The following CCSER1 variants were observed in gnomAD, a reference collection of about 807,000 sequenced individuals.
CCSER1 encodes serine-rich coiled-coil domain-containing protein 1.
In CCSER1, 41 loss-of-function variants were observed where a neutral mutation model predicts 82.0. That is an observed-to-expected ratio of 0.50 (90% CI 0.39 to 0.65). CCSER1 has a LOEUF of 0.65. Ranked by LOEUF, CCSER1 falls within the 30% of genes least tolerant of loss-of-function variation. The pLI is 0.00. For missense variants in CCSER1, 1,119 were observed against 1,064.2 expected, an observed-to-expected ratio of 1.05 and a Z score of -0.72; for synonymous variants, 414 against 383.9, an observed-to-expected ratio of 1.08 and a Z score of -0.92.
Position 91,499,645 on chromosome 4 carries a change from CT to C in CCSER1, c.2218-98926del, listed in dbSNP as rs1256150770. ...CTGCCTATTCATCTCTCCTTTCCCCCTAATCTTTGACAGCCACTGATCCTTT... is the reference window on the plus strand; with the variant it reads ...CTGCCTATTCATCTCTCCTTTCCCCCAATCTTTGACAGCCACTGATCCTTT... On this transcript the variant is annotated intron_variant, in intron 10 of 10. Transcript: ENST00000509176. Among the ~76,000 whole-genome samples the C allele has an allele frequency of 3.9e-5, 6 of 151,944 alleles. No homozygotes were observed. In the South Asian group the frequency reaches 1.0e-3, roughly 26 times the overall value.
Position 90,378,352 on chromosome 4 carries a change from C to T in CCSER1, c.1510-21684C>T, listed in dbSNP as rs186579788. Among the ~76,000 whole-genome samples the T allele has an allele frequency of 2.4e-3, 364 of 152,176 alleles. 6 individuals carry two copies. The highest frequency in any genetic ancestry group is 0.015 in the Admixed American group (235 of 15,264). ...CAAATGTGAGCTAGAAAAGCAGAAC[C>T]GATTGTTTCTATTGCACAGAGAAAG... is the stretch of plus-strand genomic sequence containing the variant. On this transcript the variant is annotated intron_variant, in intron 3 of 10. Transcript: ENST00000509176.
At position 91,078,323 on chromosome 4, in the gene CCSER1, TGGACTTCCA is replaced by T. The variant is rs1329568329; in HGVS notation, c.2173-7625_2173-7617del. ...ATACCCAGGCAAACAGGGTCTGGAG[TGGACTTCCA>T]GCAAACTCCAACAGACCTGCAGCTG... On this transcript the variant is annotated intron_variant, in intron 9 of 10. Transcript: ENST00000509176. Among the ~76,000 whole-genome samples, 13 of 152,214 alleles carry T rather than the reference TGGACTTCCA, an allele frequency of 8.5e-5. No homozygotes were observed. In the East Asian group the frequency reaches 2.5e-3, roughly 29 times the overall value.
chr4:91,586,883 GCATA>G (rs1764022264), intron 10 of CCSER1, among the ~76,000 whole-genome samples: 1 of 151,434 alleles, frequency 6.6e-6, no homozygotes, highest in Non-Finnish European at 1.5e-5. Context: ...GGGTAATATT[GCATA>G]CTTAGTTTAT....
At chr4:90,654,159 C>T (rs1729280268) in intron 6 of CCSER1, among the ~76,000 whole-genome samples, 1 of 152,078 alleles carries the variant, frequency 6.6e-6, no homozygotes, top group African/African-American at 2.4e-5. Context: ...AAATCCAGAC[C>T]ATATCAGATC....
chr4:91,558,492 A>G (rs567230314), intron 10 of CCSER1, among the ~76,000 whole-genome samples: 1 of 151,758 alleles, frequency 6.6e-6, no homozygotes, highest in South Asian at 2.1e-4. Context: ...GATGTCTGAA[A>G]TCACAATACA....
chr4:90,811,995 C>CAT (rs1554019060), intron 7 of CCSER1, among the ~76,000 whole-genome samples: 34 of 142,764 alleles, frequency 2.4e-4, no homozygotes, highest in East Asian at 8.4e-4. Flanking sequence ...TATATAAACA[C>CAT]ATATATATAT....
intron 8 of CCSER1, among the ~76,000 whole-genome samples, chr4:90,872,059 A>G (rs1475131133): frequency 1.3e-5 from 2 of 150,828 alleles, no homozygotes; most frequent in South Asian, 2.1e-4. Flanking sequence ...GTGTGTGTTT[A>G]TGGGTGAAGT....
chr4:90,318,709 C>A (rs76603626), intron 3 of CCSER1, among the ~76,000 whole-genome samples: 4,396 of 152,260 alleles, frequency 0.029, 90 homozygotes, highest in Admixed American at 0.056. Flanking sequence ...CTTTACTATT[C>A]ATTTACTTTT....
At chr4:90,410,752 GAAGGC>G (rs1754637826) in intron 4 of CCSER1, among the ~76,000 whole-genome samples, 1 of 152,284 alleles carries the variant, frequency 6.6e-6, no homozygotes, top group Middle Eastern at 3.4e-3. Flanking sequence ...ACAGCTAGGA[GAAGGC>G]AAGAAATAAC....
At chr4:90,803,543 A>T (rs1179609125) in intron 7 of CCSER1, among the ~76,000 whole-genome samples, 1 of 152,180 alleles carries the variant, frequency 6.6e-6, no homozygotes, top group Non-Finnish European at 1.5e-5. Flanking sequence ...ACATGAACTC[A>T]TCCTTTTTTA....
rs186517057 is a variant in CCSER1, at chr4:91,506,332, G to A, written c.2218-92240G>A. Among the ~76,000 whole-genome samples, 678 of 152,070 alleles carry A rather than the reference G, an allele frequency of 4.5e-3. 8 individuals carry two copies. Among genetic ancestry groups the A allele is most frequent in the Middle Eastern group, 3.5e-3 (1 of 288 alleles). ...CCAGTACCATGTTGTTTTGGCTACC[G>A]TAGCCTTGTATTCTAGTTTGAAGTC... On this transcript the variant is annotated intron_variant, in intron 10 of 10. Transcript: ENST00000509176.
At chr4:90,337,104 C>A (rs1459607286) in intron 3 of CCSER1, among the ~76,000 whole-genome samples, 1 of 152,196 alleles carries the variant, frequency 6.6e-6, no homozygotes, top group Non-Finnish European at 1.5e-5. Context: ...TACCAGTTCT[C>A]TACTCACTTC....
At chr4:91,161,790 G>A (rs1299715825) in intron 10 of CCSER1, among the ~76,000 whole-genome samples, 2 of 152,076 alleles carry the variant, frequency 1.3e-5, no homozygotes, top group African/African-American at 4.8e-5. Context: ...GAAGCAATAA[G>A]ACATAAGCAA....
At chr4:91,544,130 C>T (rs911848702) in intron 10 of CCSER1, among the ~76,000 whole-genome samples, 11 of 152,060 alleles carry the variant, frequency 7.2e-5, no homozygotes, top group Non-Finnish European at 1.0e-4. Context: ...ATGTAGTTCT[C>T]GTGCAATGGT....
At chr4:90,166,422 G>A (rs1450730358) in intron 1 of CCSER1, among the ~76,000 whole-genome samples, 1 of 151,860 alleles carries the variant, frequency 6.6e-6, no homozygotes, top group Non-Finnish European at 1.5e-5. Context: ...TAGGTACATG[G>A]TCTTAGATAA....
At chr4:91,038,170 G>A (rs907835271) in intron 9 of CCSER1, among the ~76,000 whole-genome samples, 3 of 152,104 alleles carry the variant, frequency 2.0e-5, no homozygotes, top group Non-Finnish European at 4.4e-5. Context: ...AATTGCTTCT[G>A]TGTACATGAG....
At chr4:91,281,630 A>G (rs1742917774) in intron 10 of CCSER1, among the ~76,000 whole-genome samples, 1 of 152,226 alleles carries the variant, frequency 6.6e-6, no homozygotes, top group African/African-American at 2.4e-5. Flanking sequence ...ATAAAAATGT[A>G]AAGCCAAGGT....
intron 3 of CCSER1, among the ~76,000 whole-genome samples, chr4:90,394,042 A>G (rs1290851763): frequency 6.6e-6 from 1 of 150,984 alleles, no homozygotes; most frequent in African/African-American, 2.4e-5. Flanking sequence ...AGCCTCCCAA[A>G]GTGTTGGGAT....
At chr4:90,192,290 C>G (rs1326224944) in intron 1 of CCSER1, among the ~76,000 whole-genome samples, 1 of 151,996 alleles carries the variant, frequency 6.6e-6, no homozygotes, top group African/African-American at 2.4e-5. Context: ...TGGGAAAGAC[C>G]TGCCCCATGA....
Sources: allele counts gnomAD v4.1 joint callset (sites outside exome capture counted in the v4.1 genomes callset), GRCh38; gene constraint gnomAD v4.1.1; transcripts MANE v1.5; gene names NCBI Gene and HGNC (gene_info 2026-07-23, HGNC 2026-07-21).